Variants in DLGAP2 observed in about 807,000 individuals in gnomAD.
DLGAP2 encodes the protein DLG associated protein 2.
A neutral mutation model predicts 100.3 loss-of-function variants in DLGAP2; 26 were observed. The ratio of observed to expected loss-of-function variants is 0.26; its 90% CI spans 0.19 to 0.36. The LOEUF (loss-of-function observed/expected upper bound fraction) is 0.36. Ranked by LOEUF, DLGAP2 falls within the 10% of genes least tolerant of loss-of-function variation. The probability of loss-of-function intolerance (pLI) is 1.00; values close to 1 mark genes in which losing one functional copy is unlikely to be tolerated. For synonymous variants in DLGAP2, 886 were observed against 630.1 expected (o/e 1.41, Z -6.08); for missense variants, 1,858 against 1,453.2 (o/e 1.28, Z -4.53).
intron 1 of DLGAP2, among the ~76,000 whole-genome samples, chr8:900,608 A>ACTCC (rs1798233864): frequency 1.3e-5 from 2 of 152,152 alleles, no homozygotes. Flanking sequence ...GCACCCATGG[A>ACTCC]TGGCTCCTGC....
intron 3 of DLGAP2, among the ~76,000 whole-genome samples, chr8:1,267,634 T>TAAAATAAAATAAAATAAAATC: frequency 1.0e-4 from 2 of 19,216 alleles, no homozygotes; most frequent in Non-Finnish European, 2.3e-4. Flanking sequence ...AAATATTAAA[T>TAAAATAAAATAAAATAAAATC]AGGTCTACAA....
chr8:902,233 A>G (rs1798267145), intron 1 of DLGAP2, among the ~76,000 whole-genome samples: 2 of 152,074 alleles, frequency 1.3e-5, no homozygotes, highest in South Asian at 4.1e-4. Context: ...TCGGGCTCTG[A>G]TCATTCCTAC....
chr8:1,040,905 C>T (rs565369147), intron 2 of DLGAP2, among the ~76,000 whole-genome samples: 3 of 152,262 alleles, frequency 2.0e-5, no homozygotes, highest in South Asian at 4.2e-4. Context: ...TGGAGCTGCC[C>T]TCTTTTGATC....
intron 3 of DLGAP2, among the ~76,000 whole-genome samples, chr8:1,278,058 C>G (rs996667572): frequency 6.6e-6 from 1 of 152,146 alleles, no homozygotes; most frequent in African/African-American, 2.4e-5. Flanking sequence ...CTTGCAATTT[C>G]AACATTCAGG....
rs968075165 is a variant in DLGAP2, at chr8:859,953, GTTGT to G, written c.19-47944_19-47941del. ...CCAGTATTGAGGTGTTGCTGTTGCT[GTTGT>G]TTGTTTGTTTGTTTTTGGAGCTTAT... On this transcript the variant is annotated intron_variant, in intron 1 of 14. Transcript: ENST00000637795. Among the ~76,000 whole-genome samples, 11 of 152,256 alleles carry G rather than the reference GTTGT, an allele frequency of 7.2e-5. No homozygotes were observed. In the East Asian group the frequency reaches 7.7e-4, roughly 11 times the overall value.
chr8:1,681,182 G>T (rs1374562483), intron 12 of DLGAP2, among the ~76,000 whole-genome samples: 1 of 152,194 alleles, frequency 6.6e-6, no homozygotes, highest in African/African-American at 2.4e-5. Flanking sequence ...GAAAGTTGTA[G>T]TCTTCTTTGG....
intron 3 of DLGAP2, among the ~76,000 whole-genome samples, chr8:1,351,747 G>C (rs1462917758): frequency 2.7e-5 from 2 of 73,956 alleles, no homozygotes; most frequent in Admixed American, 3.1e-4. Flanking sequence ...AGGCCGTGCG[G>C]GTCCTGACTA....
At chr8:1,694,280 T>G (rs1031924362) in intron 13 of DLGAP2, among the ~76,000 whole-genome samples, 27 of 152,020 alleles carry the variant, frequency 1.8e-4, no homozygotes, top group Admixed American at 3.3e-4. Flanking sequence ...GTTGACTTGT[T>G]AAGAGATGCT....
chr8:1,697,162 C>A lies in DLGAP2; in HGVS notation c.2812C>A (p.Pro938Thr), dbSNP rs753629996. ...CQQNMDPSAM[P>T]RPTSQDLAGY... Reference sequence around the variant, plus strand: ...GTGTCCCCAGGACCCCAGCGCCATGCCGAGGCCGACGTCGCAGGACCTGGC... The same window carrying A: ...GTGTCCCCAGGACCCCAGCGCCATGACGAGGCCGACGTCGCAGGACCTGGC... Residue 938 changes from proline to threonine, a missense_variant, in exon 14 of 15, where the codon CCG becomes ACG. Transcript: ENST00000637795. 1 of 1,593,758 alleles carries A rather than the reference C, an allele frequency of 6.3e-7. No homozygotes were observed. Among genetic ancestry groups the A allele is most frequent in the Non-Finnish European group, 8.6e-7 (1 of 1,168,480 alleles).
At chr8:1,265,869 G>C (rs1037301935) in intron 3 of DLGAP2, among the ~76,000 whole-genome samples, 8 of 152,160 alleles carry the variant, frequency 5.3e-5, no homozygotes, top group African/African-American at 1.9e-4. Context: ...GGGGAGGGGA[G>C]AGAAAAAGGC....
At chr8:881,666 A>ATGTATATAT in intron 1 of DLGAP2, among the ~76,000 whole-genome samples, 67 of 130,892 alleles carry the variant, frequency 5.1e-4, no homozygotes, top group Admixed American at 8.1e-4. Context: ...CTTGTGGCTG[A>ATGTATATAT]ACACACACAC....
At position 782,654 on chromosome 8, in the gene DLGAP2, G is replaced by C. The variant is rs141541327; in HGVS notation, c.18+44829G>C. On this transcript the variant is annotated intron_variant, in intron 1 of 14. Coordinates refer to ENST00000637795, the MANE Select transcript of DLGAP2 (RefSeq NM_001346810.2). Reference sequence around the variant, plus strand: ...CTGAAGGCAGAGTTTATGTGTCAAGGCAGTTGAGGGCCCCCACCCCTGAAC... The same window carrying C: ...CTGAAGGCAGAGTTTATGTGTCAAGCCAGTTGAGGGCCCCCACCCCTGAAC... Among the ~76,000 whole-genome samples the C allele has an allele frequency of 4.1e-3, 630 of 152,278 alleles. 4 individuals are homozygous for C. The highest frequency in any genetic ancestry group is 0.014 in the African/African-American group (597 of 41,558).
intron 6 of DLGAP2, among the ~76,000 whole-genome samples, chr8:1,595,540 G>A (rs950559155): frequency 4.6e-5 from 7 of 150,984 alleles, no homozygotes; most frequent in Admixed American, 6.6e-5. Flanking sequence ...GGTGGCGGGC[G>A]CCTGTAGTCC....
At chr8:1,503,307 G>T (rs2130332084) in intron 4 of DLGAP2, among the ~76,000 whole-genome samples, 1 of 151,452 alleles carries the variant, frequency 6.6e-6, no homozygotes, top group South Asian at 2.1e-4. Context: ...CCCAGCCCTG[G>T]AACCCCCATT....
intron 3 of DLGAP2, among the ~76,000 whole-genome samples, chr8:1,451,008 C>T (rs972209428): frequency 6.6e-6 from 1 of 152,032 alleles, no homozygotes; most frequent in African/African-American, 2.4e-5. Flanking sequence ...CCAGGGTCAC[C>T]GAATTCCAGG....
intron 2 of DLGAP2, among the ~76,000 whole-genome samples, chr8:1,060,854 C>T (rs1803059844): frequency 6.6e-6 from 1 of 152,174 alleles, no homozygotes; most frequent in Non-Finnish European, 1.5e-5. Context: ...GCCTGGGATG[C>T]TGTTGAGGAA....
chr8:1,094,060 G>C (rs982810653), intron 2 of DLGAP2, among the ~76,000 whole-genome samples: 3 of 151,900 alleles, frequency 2.0e-5, no homozygotes, highest in African/African-American at 7.3e-5. Context: ...GCGGTGGAGG[G>C]AGGGCAGCTG....
chr8:1,267,715 C>T lies in DLGAP2; in HGVS notation c.106+8832C>T, dbSNP rs183331050. Among the ~76,000 whole-genome samples, 486 of 152,136 alleles carry T rather than the reference C, an allele frequency of 3.2e-3. 3 individuals carry two copies. Among genetic ancestry groups the T allele is most frequent in the African/African-American group, 0.011 (450 of 41,470 alleles). The stretch of plus-strand genomic sequence containing the variant: ...CCCACGTCCTCCGTGTCGCTGGCCC[C>T]CTCCGTAGCAACTCTGTTGGACTTC... On this transcript the variant is annotated intron_variant, in intron 3 of 14. Transcript: ENST00000637795.
At chr8:1,498,112 A>T (rs748779602) in intron 3 of DLGAP2, among the ~76,000 whole-genome samples, 2 of 152,176 alleles carry the variant, frequency 1.3e-5, no homozygotes, top group Non-Finnish European at 2.9e-5. Flanking sequence ...ACATTTTCCG[A>T]TTGGCCATTG....
Sources: allele counts gnomAD v4.1 joint callset (sites outside exome capture counted in the v4.1 genomes callset), GRCh38; gene constraint gnomAD v4.1.1; transcripts MANE v1.5; gene names NCBI Gene and HGNC (gene_info 2026-07-23, HGNC 2026-07-21).